Variants in TANC2 observed in about 807,000 individuals in gnomAD.
TANC2 encodes the protein tetratricopeptide repeat, ankyrin repeat and coiled-coil containing 2, also known as protein TANC2.
A neutral mutation model predicts 210.5 loss-of-function variants in TANC2; 26 were observed. The observed-to-expected ratio is 0.12, with a 90% confidence interval of 0.09 to 0.17. The LOEUF (loss-of-function observed/expected upper bound fraction) is 0.17. Among genes scored for constraint, TANC2 ranks in the 10% least tolerant of loss-of-function variants. The pLI, the probability that TANC2 is intolerant of heterozygous loss-of-function variation, is 1.00. For synonymous variants in TANC2, 931 were observed against 967.1 expected, an observed-to-expected ratio of 0.96 and a Z score of 0.69; for missense variants, 2,129 against 2,608.9, an observed-to-expected ratio of 0.82 and a Z score of 4.01.
intron 7 of TANC2, among the ~76,000 whole-genome samples, chr17:63,231,184 G>A (rs1201674547): frequency 1.3e-5 from 2 of 152,094 alleles, no homozygotes; most frequent in Non-Finnish European, 2.9e-5. Flanking sequence ...TGGGTCTCTT[G>A]AATACAGCAT....
exon 14 of TANC2, chr17:63,354,808 A>T: frequency 6.3e-7 from 1 of 1,577,432 alleles, no homozygotes; most frequent in Non-Finnish European, 8.6e-7. Context: ...CTGCCTTTCC[A>T]TAGGATTTTT....
At chr17:63,354,644 T>G in intron 13 of TANC2, 139 bp from the exon 14 acceptor site, 1 of 1,085,756 alleles carries the variant, frequency 9.2e-7, no homozygotes, top group South Asian at 2.1e-5. Context: ...GTTTTACTTT[T>G]TGGATACTAA....
In TANC2 at chr17:63,274,988, GAAGA is replaced by G. The variant is rs1166756039; in HGVS notation, c.1159+7118_1159+7121del. Among the ~76,000 whole-genome samples the G allele has an allele frequency of 1.2e-4, 19 of 152,224 alleles. No homozygotes were observed. In the South Asian group the frequency reaches 3.9e-3, roughly 32 times the overall value. On this transcript the variant is annotated intron_variant, in intron 9 of 27. Coordinates refer to ENST00000689528, the Ensembl canonical transcript of TANC2. ...AAGTTTGCTGCCTATTACAAGGAAG[GAAGA>G]AATAGTTTATTTTTATGGATAAATG...
intron 4 of TANC2, among the ~76,000 whole-genome samples, chr17:63,123,487 A>C (rs1366685103): frequency 6.7e-6 from 1 of 148,456 alleles, no homozygotes; most frequent in Non-Finnish European, 1.5e-5. Context: ...TGAACCCGGG[A>C]GGCGGAGCTT....
At chr17:63,117,902 T>G (rs928766856) in intron 4 of TANC2, among the ~76,000 whole-genome samples, 1 of 152,236 alleles carries the variant, frequency 6.6e-6, no homozygotes, top group African/African-American at 2.4e-5. Context: ...AGCTGTATTT[T>G]GGCACATTTA....
chr17:63,420,685 C>T lies in TANC2; in HGVS notation c.4955C>T (p.Thr1652Ile), dbSNP rs768924519. Residue 1652 changes from threonine to isoleucine, a missense_variant, in exon 28 of 28, where the codon ACA becomes ATA. Physicochemically the swap from Thr to Ile is moderately conservative, Grantham distance 89. Transcript: ENST00000689528. This position sits in a 1 kb window ranked among gnomAD's most constrained non-coding sequence, Gnocchi z 4.2. ...TCACCCGTGCGCTATCAGCAGGAAA[C>T]AAGCGTCAGTCAGCTTCCTGGCAGA... 6.2e-7 allele frequency: 1 copy of T among 1,613,620 alleles called. No individual in the cohort carries two copies. Among genetic ancestry groups the T allele is most frequent in the East Asian group, 2.2e-5 (1 of 44,892 alleles).
chr17:63,306,813 G>A (rs1397015048), intron 9 of TANC2, among the ~76,000 whole-genome samples: 2 of 152,116 alleles, frequency 1.3e-5, no homozygotes, highest in African/African-American at 2.4e-5. Flanking sequence ...AAATAGTCAC[G>A]TATGGTGGGA....
At chr17:63,233,287 A>G (rs959751608) in intron 7 of TANC2, among the ~76,000 whole-genome samples, 3 of 150,172 alleles carry the variant, frequency 2.0e-5, no homozygotes, top group Non-Finnish European at 4.4e-5. Context: ...GTTTCCAGCC[A>G]AGAGGCCGCC....
Position 63,420,020 on chromosome 17 carries a change from G to A in TANC2, c.4290G>A (p.Glu1430=). 1 of 1,549,432 alleles carries A rather than the reference G, an allele frequency of 6.5e-7. No individual in the cohort carries two copies. Among genetic ancestry groups the A allele is most frequent in the Non-Finnish European group, 8.7e-7 (1 of 1,144,954 alleles). Residue 1430 remains glutamate (E), a synonymous_variant, in exon 28 of 28, where the codon GAG becomes GAA. Coordinates refer to ENST00000689528, the Ensembl canonical transcript of TANC2. This position sits in a 1 kb window ranked among gnomAD's most constrained non-coding sequence, Gnocchi z 4.2. Reference sequence around the variant, plus strand: ...GCAGACAGTTCGCAGCAGCCTTAGAGGACCTGAACGAGGCCATCAAGCTGT... The same window carrying A: ...GCAGACAGTTCGCAGCAGCCTTAGAAGACCTGAACGAGGCCATCAAGCTGT...
chr17:63,268,574 G>A (rs1202751106), intron 9 of TANC2, among the ~76,000 whole-genome samples: 2 of 151,976 alleles, frequency 1.3e-5, no homozygotes, highest in Admixed American at 1.3e-4. Flanking sequence ...TTTAAATAAG[G>A]GATACTCAGG....
intron 14 of TANC2, among the ~76,000 whole-genome samples, chr17:63,367,551 A>G (rs530579861): frequency 1.3e-5 from 2 of 152,300 alleles, no homozygotes; most frequent in South Asian, 4.1e-4. Flanking sequence ...AACCAACAAT[A>G]GTGCCATAGT....
chr17:63,277,892 C>A (rs2043932948), intron 9 of TANC2, among the ~76,000 whole-genome samples: 1 of 151,936 alleles, frequency 6.6e-6, no homozygotes, highest in South Asian at 2.1e-4. Context: ...AGGTAACAGG[C>A]CGGGTACAGT....
At chr17:63,272,063 T>C (rs2043727375) in intron 9 of TANC2, among the ~76,000 whole-genome samples, 1 of 152,196 alleles carries the variant, frequency 6.6e-6, no homozygotes, top group Non-Finnish European at 1.5e-5. Flanking sequence ...ATTGCCTGGG[T>C]TGTCTTCCAG....
At chr17:63,201,077 T>A (rs1425089422) in intron 7 of TANC2, 120 bp downstream of exon 7, 2 of 846,304 alleles carry the variant, frequency 2.4e-6, no homozygotes, top group East Asian at 2.8e-5. Context: ...TATAAAACTT[T>A]CCTGGTCTTT....
intron 4 of TANC2, 137 bp downstream of exon 4, chr17:63,099,494 A>T: frequency 3.8e-6 from 1 of 261,588 alleles, no homozygotes; most frequent in South Asian, 9.4e-5. Flanking sequence ...TCTTGACACT[A>T]AAAAAAAAAC....
intron 1 of TANC2, chr17:63,004,857 A>G: frequency 3.1e-6 from 1 of 325,994 alleles, no homozygotes; most frequent in Admixed American, 3.8e-5. Flanking sequence ...CTGGTTTTAG[A>G]GGAGCAGGTT....
chr17:63,199,212 ACT>A (rs2041448673), intron 6 of TANC2, among the ~76,000 whole-genome samples: 1 of 152,032 alleles, frequency 6.6e-6, no homozygotes, highest in East Asian at 1.9e-4. Flanking sequence ...ATGAATAGAG[ACT>A]CTATTTGTAA....
chr17:63,242,341 C>T (rs1248315428), intron 8 of TANC2, among the ~76,000 whole-genome samples: 1 of 151,972 alleles, frequency 6.6e-6, no homozygotes, highest in Non-Finnish European at 1.5e-5. Flanking sequence ...CCTCTCTACA[C>T]CTAATATCTC....
At chr17:62,999,400 C>T (rs529605099) in intron 1 of TANC2, among the ~76,000 whole-genome samples, 13 of 152,260 alleles carry the variant, frequency 8.5e-5, no homozygotes, top group Admixed American at 5.2e-4. Context: ...TATAGTAGTG[C>T]AAGAACAGCC....
Sources: gnomAD v4.1 joint callset for allele counts (sites outside exome capture counted in the v4.1 genomes callset) on GRCh38, gnomAD v4.1.1 for gene constraint, Gnocchi (gnomAD v3.1) non-coding constraint, MANE v1.5 for transcripts, NCBI Gene and HGNC (gene_info 2026-07-23, HGNC 2026-07-21) for gene names.